The following ADPRHL1 variants were observed in gnomAD, a reference collection of about 807,000 sequenced individuals.
ADPRHL1 encodes ADP-ribosylhydrolase like 1.
ADPRHL1 carries 43 observed loss-of-function variants against 44.1 expected under a neutral mutation model. The ratio of observed to expected loss-of-function variants is 0.98; its 90% CI spans 0.76 to 1.26. ADPRHL1 has a LOEUF of 1.26. Ranked by LOEUF, ADPRHL1 falls within the 50% of genes most tolerant of loss-of-function variation. ADPRHL1 has a pLI of 0.00. For synonymous variants in ADPRHL1, 878 were observed against 1,017.4 expected (o/e 0.86, Z 2.61); for missense variants, 2,022 against 2,496.9 (o/e 0.81, Z 4.05).
At chr13:113,440,771 A>G (rs962344388) in intron 2 of ADPRHL1, among the ~76,000 whole-genome samples, 2 of 151,920 alleles carry the variant, frequency 1.3e-5, no homozygotes, top group Admixed American at 1.3e-4. Flanking sequence ...TCTTTTTTAG[A>G]AGCTTTAATC....
intron 6 of ADPRHL1, among the ~76,000 whole-genome samples, chr13:113,423,808 G>A (rs941771497): frequency 3.3e-5 from 5 of 152,262 alleles, no homozygotes; most frequent in African/African-American, 4.8e-5. Context: ...CAGAGCAAAG[G>A]ACAAGATGAC....
intron 7 of ADPRHL1, among the ~76,000 whole-genome samples, chr13:113,418,980 T>TTCCCTCCCTCCCTCCCTCCCTCCC (rs1174404083): frequency 9.5e-6 from 1 of 105,540 alleles, no homozygotes; most frequent in Non-Finnish European, 2.1e-5. Flanking sequence ...CCTCTTTTCC[T>TTCCCTCCCTCCCTCCCTCCCTCCC]TCCCTCCCTC....
intron 7 of ADPRHL1, among the ~76,000 whole-genome samples, chr13:113,413,745 C>T (rs1415690117): frequency 6.6e-6 from 1 of 152,234 alleles, no homozygotes; most frequent in Non-Finnish European, 1.5e-5. Context: ...CCGCTGCCCG[C>T]CCAGCAGTGC....
chr13:113,424,418 G>A, intron 5 of ADPRHL1, 69 bp from the exon 6 acceptor site: 2 of 1,588,706 alleles, frequency 1.3e-6, no homozygotes, highest in Admixed American at 3.5e-5. Flanking sequence ...TACAGCACAA[G>A]CTTTCTGGGC....
rs534117026 is a variant in ADPRHL1 at position 113,436,904 on chromosome 13, C to G, written c.380-3037G>C. On this transcript the variant is annotated intron_variant, in intron 2 of 7. Coordinates refer to ENST00000612156, the MANE Select transcript of ADPRHL1 (RefSeq NM_001394807.1). ...GTGAACATAGGTGTACCCTGTGACCCAGCACCCACACGTAGAGTGAACATA... is the reference window on the plus strand; with the variant it reads ...GTGAACATAGGTGTACCCTGTGACCGAGCACCCACACGTAGAGTGAACATA... Among the ~76,000 whole-genome samples the G allele has an allele frequency of 1.1e-4, 16 of 147,868 alleles. No individual in the cohort carries two copies. In the South Asian group the frequency reaches 3.0e-3, roughly 28 times the overall value.
rs547237329 is a variant in ADPRHL1 at position 113,424,511 on chromosome 13, A to G, written c.775-162T>C. 4.7e-4 allele frequency among the ~76,000 whole-genome samples: 72 copies of G among 152,100 alleles called. 1 individual carries two copies. The highest frequency in any genetic ancestry group is 2.1e-4 in the Non-Finnish European group (14 of 67,984). Reference sequence around the variant, plus strand: ...GCTCTGTCCCCCAGGTTGGAGTGCAATGATACAATCTCAGCTCACTGCAAC... The same window carrying G: ...GCTCTGTCCCCCAGGTTGGAGTGCAGTGATACAATCTCAGCTCACTGCAAC... On this transcript the variant is annotated intron_variant, in intron 5 of 7. Coordinates refer to ENST00000612156, the MANE Select transcript of ADPRHL1 (RefSeq NM_001394807.1).
rs940356047 is a variant in ADPRHL1 at position 113,406,030 on chromosome 13, G to A, written c.3252C>T (p.Ala1084=). The A allele has an allele frequency of 1.1e-4, 134 of 1,231,966 alleles. No homozygotes were observed. The African/African-American group carries it at 1.7e-3, about 16-fold the overall frequency. 76.3% of individuals were successfully genotyped at this position (1,231,966 alleles called of 1,614,324 possible). A position where few individuals can be genotyped will look rare whatever the true frequency, so the allele number is the denominator to read the frequency against. Residue 1084 remains alanine, a synonymous_variant, in exon 8 of 8, where the codon GCC becomes GCT. Coordinates refer to ENST00000612156, the MANE Select transcript of ADPRHL1 (RefSeq NM_001394807.1). The part of the protein sequence containing the change: ...LIESSQPLKA[A]EEITSHDVRE... ...GAACATCATGGCTGGTGATTTCCTC[G>A]GCAGCCTTCAGGGGCTGAGAAGACT...
At chr13:113,432,176 T>C (rs935168118) in intron 3 of ADPRHL1, among the ~76,000 whole-genome samples, 4 of 152,138 alleles carry the variant, frequency 2.6e-5, no homozygotes, top group Non-Finnish European at 4.4e-5. Context: ...CAGGCTGCAG[T>C]GCAATGGCGC....
In ADPRHL1 at chr13:113,403,681, G is replaced by T; in HGVS notation, c.5601C>A (p.Arg1867=). Residue 1867 remains arginine (R), a synonymous_variant, in exon 8 of 8, where the codon CGC becomes CGA. Coordinates refer to ENST00000612156, the MANE Select transcript of ADPRHL1 (RefSeq NM_001394807.1). ...TGGCAATGCTCTTGCCCCTGAGGGG[G>T]CGGCTTCCTGGGGGTGGGTACCCGG... is the stretch of plus-strand genomic sequence containing the variant. The part of the protein sequence containing the change: ...PSAGYPPPGS[R]PLRGKSIATS... The T allele has an allele frequency of 8.1e-7, 1 of 1,231,964 alleles. No individual in the cohort carries two copies. The highest frequency in any genetic ancestry group is 1.0e-6 in the Non-Finnish European group (1 of 988,224). The allele number at this position is 1,231,964 out of a possible 1,614,324, so 76.3% of individuals were successfully genotyped here. A position where few individuals can be genotyped will look rare whatever the true frequency, so the allele number is the denominator to read the frequency against.
intron 4 of ADPRHL1, among the ~76,000 whole-genome samples, chr13:113,428,167 C>T (rs1212704529): frequency 2.0e-5 from 3 of 147,414 alleles, no homozygotes; most frequent in African/African-American, 7.5e-5. Context: ...TTGCTTGAAC[C>T]TGGGAGGCAG....
chr13:113,425,237 G>A, intron 4 of ADPRHL1, 58 bp from the exon 5 acceptor site: 3 of 1,432,470 alleles, frequency 2.1e-6, no homozygotes, highest in Non-Finnish European at 1.9e-6. Flanking sequence ...TGGGGCGGGT[G>A]CAGGGAGTTG....
rs1007543489 is a variant in ADPRHL1 at position 113,409,430 on chromosome 13, C to T, written c.1062-1210G>A. The T allele has an allele frequency of 1.6e-5, 16 of 985,408 alleles. No homozygotes were observed. In the African/African-American group the frequency reaches 1.9e-4, roughly 12 times the overall value. The allele number at this position is 985,408 out of a possible 1,614,324, so 61.0% of individuals were successfully genotyped here. A position where few individuals can be genotyped will look rare whatever the true frequency, so the allele number is the denominator to read the frequency against. ...CGAGTATTACAGGAAAAGTCGCCTT[C>T]ATGGTGCCGTTTATAATGTTGAAAA... On this transcript the variant is annotated intron_variant, in intron 7 of 7. Coordinates refer to ENST00000612156, the MANE Select transcript of ADPRHL1 (RefSeq NM_001394807.1). The surrounding 1 kb of genome is among the most constrained non-coding windows in gnomAD (Gnocchi z 4.2).
intron 7 of ADPRHL1, among the ~76,000 whole-genome samples, chr13:113,421,234 C>T (rs2043918446): frequency 8.0e-6 from 1 of 124,926 alleles, no homozygotes; most frequent in Non-Finnish European, 1.7e-5. Context: ...GACACCTCTA[C>T]CCCCGGGACA....
intron 2 of ADPRHL1, among the ~76,000 whole-genome samples, chr13:113,439,325 T>G (rs2044081697): frequency 6.6e-6 from 1 of 152,062 alleles, no homozygotes; most frequent in African/African-American, 2.4e-5. Context: ...GGCTCACCAT[T>G]TTGGCCAGGC....
chr13:113,416,988 G>T (rs1034244829), intron 7 of ADPRHL1, among the ~76,000 whole-genome samples: 2 of 152,250 alleles, frequency 1.3e-5, no homozygotes, highest in African/African-American at 4.8e-5. Context: ...GCAAAGGGGC[G>T]TGGGAGTTGT....
chr13:113,405,783 G>C lies in ADPRHL1; in HGVS notation c.3499C>G (p.Arg1167Gly). Residue 1167 changes from arginine (R) to glycine (G), a missense_variant, in exon 8 of 8, where the codon CGA becomes GGA. Physicochemically the swap from Arg to Gly is moderately radical, Grantham distance 125 (BLOSUM62 -2). Transcript: ENST00000612156. ...AGGAGGCCGTGGCTGTGAGGGTCTC[G>C]AGGGAGAGCCTCTCCTCTGGGGTGG... ...ESHPRGEALP[R>G]DPHSHGLLAP... The C allele has an allele frequency of 8.9e-6, 11 of 1,231,786 alleles. No homozygotes were observed. Among genetic ancestry groups the C allele is most frequent in the South Asian group, 8.2e-5 (2 of 24,322 alleles). 76.3% of individuals were successfully genotyped at this position (1,231,786 alleles called of 1,614,324 possible).
At chr13:113,419,369 A>C (rs575238215) in intron 7 of ADPRHL1, among the ~76,000 whole-genome samples, 5 of 145,430 alleles carry the variant, frequency 3.4e-5, no homozygotes, top group African/African-American at 1.3e-4. Flanking sequence ...CTCCCGCCTC[A>C]GCCTCCCAAA....
At chr13:113,412,205 T>G (rs2043857088) in intron 7 of ADPRHL1, among the ~76,000 whole-genome samples, 1 of 151,758 alleles carries the variant, frequency 6.6e-6, no homozygotes, top group South Asian at 2.1e-4. Context: ...TGGGACGGAG[T>G]CTTGCTCTGT....
chr13:113,440,702 G>A (rs935831897), intron 2 of ADPRHL1, among the ~76,000 whole-genome samples: 2 of 151,864 alleles, frequency 1.3e-5, no homozygotes, highest in East Asian at 1.9e-4. Flanking sequence ...TGATCCACCC[G>A]CCTTGGCCTC....
Sources: allele counts gnomAD v4.1 joint callset (sites outside exome capture counted in the v4.1 genomes callset), GRCh38; gene constraint gnomAD v4.1.1; non-coding constraint Gnocchi (gnomAD v3.1); transcripts MANE v1.5; gene names NCBI Gene and HGNC (gene_info 2026-07-23, HGNC 2026-07-21).